The following FJX1 variants were observed in gnomAD, a reference collection of about 807,000 sequenced individuals.
FJX1 encodes four-jointed box protein 1.
A neutral mutation model predicts 28.7 loss-of-function variants in FJX1; 21 were observed. That is an observed-to-expected ratio of 0.73 (90% CI 0.52 to 1.05). The LOEUF is 1.05. Among genes scored for constraint, FJX1 ranks in the 50% least tolerant of loss-of-function variants. The probability of loss-of-function intolerance (pLI) is 0.00; values close to 1 mark genes in which losing one functional copy is unlikely to be tolerated. For missense variants in FJX1, 683 were observed against 647.2 expected, an observed-to-expected ratio of 1.06 and a Z score of -0.60; for synonymous variants, 363 against 310.0, an observed-to-expected ratio of 1.17 and a Z score of -1.80.
Position 35,618,678 on chromosome 11 carries a change from C to G in FJX1, c.42C>G (p.Leu14=). ...GGGGCGCCGCCGCCACCGCGGGGCT[C>G]TGGCTGCTGGCGCTGGGCTCGCTGC... ...RMRGAAATAG[L]WLLALGSLLA... The change falls in exon 1 of 1, where the codon CTC becomes CTG. Residue 14 remains leucine, a synonymous_variant. Transcript: ENST00000317811. The surrounding 1 kb of genome is among the most constrained non-coding windows in gnomAD (Gnocchi z 4.2). 8.0e-7 allele frequency: 1 copy of G among 1,245,962 alleles called. No homozygotes were observed. 77.2% of individuals were successfully genotyped at this position (1,245,962 alleles called of 1,614,324 possible). A position where few individuals can be genotyped will look rare whatever the true frequency, so the allele number is the denominator to read the frequency against.
rs1227146634 is a variant in FJX1 at position 35,619,815 on chromosome 11, G to C, written c.1179G>C (p.Arg393=). The change falls in exon 1 of 1, where the codon CGG becomes CGC. Residue 393 remains arginine, a synonymous_variant. Coordinates refer to ENST00000317811, the MANE Select transcript of FJX1 (RefSeq NM_014344.4). The surrounding 1 kb of genome is among the most constrained non-coding windows in gnomAD (Gnocchi z 7.6). The part of the protein sequence containing the change: ...DAAARLLRLY[R]RHEPRFPELA... ...CGGCCCGGCTGCTGCGCCTCTACCGGCGCCACGAGCCTCGCTTCCCCGAGC... is the reference window on the plus strand; with the variant it reads ...CGGCCCGGCTGCTGCGCCTCTACCGCCGCCACGAGCCTCGCTTCCCCGAGC... The C allele has an allele frequency of 6.4e-7, 1 of 1,550,662 alleles. No homozygotes were observed. Among genetic ancestry groups the C allele is most frequent in the Admixed American group, 2.0e-5 (1 of 51,062 alleles).
At position 35,619,734 on chromosome 11, in the gene FJX1, G is replaced by C. The variant is rs1422546583; in HGVS notation, c.1098G>C (p.Val366=). Residue 366 remains valine, a synonymous_variant, in exon 1 of 1, where the codon GTG becomes GTC. Coordinates refer to ENST00000317811, the MANE Select transcript of FJX1 (RefSeq NM_014344.4). The surrounding 1 kb of genome is among the most constrained non-coding windows in gnomAD (Gnocchi z 7.6). ...AGCCGCTGTTGCAGTCAGTGTGCGT[G>C]TTCCGCGAGCGGACCGCGCGGCGCG... is the stretch of plus-strand genomic sequence containing the variant. The part of the protein sequence containing the change: ...YNEPLLQSVC[V]FRERTARRVL... The C allele has an allele frequency of 3.8e-6, 6 of 1,575,816 alleles. No homozygotes were observed. Among genetic ancestry groups the C allele is most frequent in the Non-Finnish European group, 3.4e-6 (4 of 1,162,248 alleles).
At position 35,619,334 on chromosome 11, in the gene FJX1, A is replaced by G. The variant is rs1205131292; in HGVS notation, c.698A>G (p.His233Arg). The G allele has an allele frequency of 2.5e-6, 4 of 1,569,092 alleles. No individual in the cohort carries two copies. The highest frequency in any genetic ancestry group is 3.4e-6 in the Non-Finnish European group (4 of 1,165,790). The change falls in exon 1 of 1, where the codon CAC becomes CGC. Residue 233 changes from histidine to arginine, a missense_variant. His to Arg is a conservative substitution (Grantham distance 29). Coordinates refer to ENST00000317811, the MANE Select transcript of FJX1 (RefSeq NM_014344.4). This position sits in a 1 kb window ranked among gnomAD's most constrained non-coding sequence, Gnocchi z 7.6. ...AQVQEELRAA[H>R]WTEGSVVSLT... ...GTGCAGGAGGAGCTGCGCGCTGCGCACTGGACCGAGGGCAGCGTGGTGAGC... is the reference window on the plus strand; with the variant it reads ...GTGCAGGAGGAGCTGCGCGCTGCGCGCTGGACCGAGGGCAGCGTGGTGAGC...
Position 35,618,496 on chromosome 11 carries a change from C to G in FJX1, c.-141C>G, listed in dbSNP as rs1850848201. 1.3e-6 allele frequency: 1 copy of G among 792,414 alleles called. No individual in the cohort carries two copies. Among genetic ancestry groups the G allele is most frequent in the African/African-American group, 1.9e-5 (1 of 53,558 alleles). 49.1% of individuals were successfully genotyped at this position (792,414 alleles called of 1,614,324 possible). On this transcript the variant is annotated 5_prime_UTR_variant, in exon 1 of 1. Coordinates refer to ENST00000317811, the MANE Select transcript of FJX1 (RefSeq NM_014344.4). This position sits in a 1 kb window ranked among gnomAD's most constrained non-coding sequence, Gnocchi z 4.2. ...CCGGGCGGAGCGCCGGACAGAGCCC[C>G]GCAGCGCCCCGCGGCCGCGATGGGG...
rs1264216685 is a variant in FJX1 at position 35,619,154 on chromosome 11, A to C, written c.518A>C (p.Asp173Ala). 5.1e-6 allele frequency: 8 copies of C among 1,573,764 alleles called. No individual in the cohort carries two copies. The highest frequency in any genetic ancestry group is 6.8e-6 in the Non-Finnish European group (8 of 1,170,926). Residue 173 changes from aspartate to alanine, a missense_variant, in exon 1 of 1, where the codon GAC becomes GCC. Physicochemically the swap from Asp to Ala is moderately radical, Grantham distance 126 (BLOSUM62 -2). Transcript: ENST00000317811. The surrounding 1 kb of genome is among the most constrained non-coding windows in gnomAD (Gnocchi z 7.6). The stretch of plus-strand genomic sequence containing the variant: ...TCCAACCGACTGGCCCGTTTTGCCG[A>C]CGGCACCCGCGCCTGCGTGCGCTAC... The part of the protein sequence containing the change: ...RSSNRLARFA[D>A]GTRACVRYGI...
rs1850892716 is a variant in FJX1 at position 35,620,826 on chromosome 11, A to G, written c.*876A>G. The stretch of plus-strand genomic sequence containing the variant: ...GCATAAAGTGTGGTGTAAATATACT[A>G]AACAAACTTATATTTCAATAAAAGG... On this transcript the variant is annotated 3_prime_UTR_variant, in exon 1 of 1. Transcript: ENST00000317811. 6.0e-6 allele frequency: 1 copy of G among 167,128 alleles called. No homozygotes were observed. Among genetic ancestry groups the G allele is most frequent in the African/African-American group, 2.4e-5 (1 of 41,466 alleles). The allele number at this position is 167,128 out of a possible 1,614,324, so 10.4% of individuals were successfully genotyped here.
chr11:35,619,740 C>G lies in FJX1; in HGVS notation c.1104C>G (p.Arg368=). 6.4e-7 allele frequency: 1 copy of G among 1,568,772 alleles called. No individual in the cohort carries two copies. The highest frequency in any genetic ancestry group is 1.7e-4 in the Middle Eastern group (1 of 5,740). Reference sequence around the variant, plus strand: ...TGTTGCAGTCAGTGTGCGTGTTCCGCGAGCGGACCGCGCGGCGCGTCCTGG... The same window carrying G: ...TGTTGCAGTCAGTGTGCGTGTTCCGGGAGCGGACCGCGCGGCGCGTCCTGG... ...EPLLQSVCVF[R]ERTARRVLEL... Residue 368 remains arginine, a synonymous_variant, in exon 1 of 1, where the codon CGC becomes CGG. Transcript: ENST00000317811. The surrounding 1 kb of genome is among the most constrained non-coding windows in gnomAD (Gnocchi z 7.6).
Position 35,618,739 on chromosome 11 carries a change from G to C in FJX1, c.103G>C (p.Glu35Gln), listed in dbSNP as rs1329712856. The C allele has an allele frequency of 1.6e-6, 2 of 1,261,160 alleles. No homozygotes were observed. Among genetic ancestry groups the C allele is most frequent in the Non-Finnish European group, 2.0e-6 (2 of 989,608 alleles). 78.1% of individuals were successfully genotyped at this position (1,261,160 alleles called of 1,614,324 possible). Residue 35 changes from glutamate (E) to glutamine (Q), a missense_variant, in exon 1 of 1, where the codon GAG (glutamate) becomes CAG (glutamine). Physicochemically the swap from Glu to Gln is conservative, Grantham distance 29 (BLOSUM62 2). Coordinates refer to ENST00000317811, the MANE Select transcript of FJX1 (RefSeq NM_014344.4). This position sits in a 1 kb window ranked among gnomAD's most constrained non-coding sequence, Gnocchi z 4.2. Reference sequence around the variant, plus strand: ...GGGAGGGCTCCTGCCGCCGCGGACCGAGCTGCCCGCCTCCCGGCCGCCCGA... The same window carrying C: ...GGGAGGGCTCCTGCCGCCGCGGACCCAGCTGCCCGCCTCCCGGCCGCCCGA... ...LWGGLLPPRT[E>Q]LPASRPPEDR...
Position 35,619,190 on chromosome 11 carries a change from C to T in FJX1, c.554C>T (p.Pro185Leu), listed in dbSNP as rs1010010619. 13 of 1,587,578 alleles carry T rather than the reference C, an allele frequency of 8.2e-6. No individual in the cohort carries two copies. The African/African-American group carries it at 1.5e-4, about 19-fold the overall frequency. ...GCCTGCGTGCGCTACGGCATCAACC[C>T]GGAGCAGATTCAGGGCGAGGCCCTG... ...TRACVRYGIN[P>L]EQIQGEALSY... Residue 185 changes from proline (P) to leucine (L), a missense_variant, in exon 1 of 1, where the codon CCG (proline) becomes CTG (leucine). By Grantham distance (98) the Pro-to-Leu change is moderately conservative (BLOSUM62 -3). Transcript: ENST00000317811. This position sits in a 1 kb window ranked among gnomAD's most constrained non-coding sequence, Gnocchi z 7.6.
chr11:35,619,498 C>T lies in FJX1; in HGVS notation c.862C>T (p.Gln288Ter). Residue 288 changes from glutamine (Q) to a stop codon, truncating the protein, a stop_gained, in exon 1 of 1, where the codon CAA (glutamine) becomes TAA (stop). Transcript: ENST00000317811. LOFTEE classifies it high-confidence loss of function. This position sits in a 1 kb window ranked among gnomAD's most constrained non-coding sequence, Gnocchi z 7.6. Reference sequence around the variant, plus strand: ...CCAGGCGGAGCTGGTGGACCTAGTACAATGGACCGACTTAATCCTTTTCGA... The same window carrying T: ...CCAGGCGGAGCTGGTGGACCTAGTATAATGGACCGACTTAATCCTTTTCGA... ...LSQAELVDLV[Q>*]WTDLILFDYL... The T allele has an allele frequency of 6.3e-7, 1 of 1,599,538 alleles. No individual in the cohort carries two copies. Among genetic ancestry groups the T allele is most frequent in the Non-Finnish European group, 8.5e-7 (1 of 1,179,740 alleles).
chr11:35,618,702 G>A lies in FJX1; in HGVS notation c.66G>A (p.Leu22=). 4 of 1,257,324 alleles carry A rather than the reference G, an allele frequency of 3.2e-6. No homozygotes were observed. Among genetic ancestry groups the A allele is most frequent in the Admixed American group, 3.4e-5 (1 of 29,552 alleles). 77.9% of individuals were successfully genotyped at this position (1,257,324 alleles called of 1,614,324 possible). Residue 22 remains leucine (L), a synonymous_variant, in exon 1 of 1, where the codon CTG becomes CTA. Coordinates refer to ENST00000317811, the MANE Select transcript of FJX1 (RefSeq NM_014344.4). The surrounding 1 kb of genome is among the most constrained non-coding windows in gnomAD (Gnocchi z 4.2). ...AGLWLLALGS[L]LALWGGLLPP... ...TCTGGCTGCTGGCGCTGGGCTCGCT[G>A]CTGGCGCTGTGGGGAGGGCTCCTGC...
Position 35,619,262 on chromosome 11 carries a change from C to T in FJX1, c.626C>T (p.Pro209Leu). 6.4e-7 allele frequency: 1 copy of T among 1,567,962 alleles called. No individual in the cohort carries two copies. The highest frequency in any genetic ancestry group is 8.6e-7 in the Non-Finnish European group (1 of 1,166,694). ...CTGGGCCTCCAGCGCCACGTGCCGC[C>T]GCTGGCACTGGCTCGGGTGGAGGCT... ...RLLGLQRHVP[P>L]LALARVEARG... The change falls in exon 1 of 1, where the codon CCG (proline) becomes CTG (leucine). Residue 209 changes from proline (P) to leucine (L), a missense_variant. Coordinates refer to ENST00000317811, the MANE Select transcript of FJX1 (RefSeq NM_014344.4). This position sits in a 1 kb window ranked among gnomAD's most constrained non-coding sequence, Gnocchi z 7.6.
chr11:35,619,450 G>C lies in FJX1; in HGVS notation c.814G>C (p.Gly272Arg). The C allele has an allele frequency of 6.3e-7, 1 of 1,598,746 alleles. No homozygotes were observed. Among genetic ancestry groups the C allele is most frequent in the Non-Finnish European group, 8.5e-7 (1 of 1,179,564 alleles). Residue 272 changes from glycine (G) to arginine (R), a missense_variant, in exon 1 of 1, where the codon GGG becomes CGG. Physicochemically the swap from Gly to Arg is moderately radical, Grantham distance 125. Transcript: ENST00000317811. The surrounding 1 kb of genome is among the most constrained non-coding windows in gnomAD (Gnocchi z 7.6). ...CCGTCTGCGCCCCCTCCGGGATGCCGGGGGTGAGCTGGCCAACCTCAGCCA... is the reference window on the plus strand; with the variant it reads ...CCGTCTGCGCCCCCTCCGGGATGCCCGGGGTGAGCTGGCCAACCTCAGCCA... The part of the protein sequence containing the change: ...DGRLRPLRDA[G>R]GELANLSQAE...
rs202089278 is a variant in FJX1, at chr11:35,619,747, A to G, written c.1111A>G (p.Thr371Ala). 4.6e-4 allele frequency: 717 copies of G among 1,562,684 alleles called. 4 individuals are homozygous for G. In the African/African-American group the frequency reaches 8.8e-3, roughly 19 times the overall value. ...LQSVCVFRER[T>A]ARRVLELHRG... is the part of the protein sequence containing the mutation. ...GTCAGTGTGCGTGTTCCGCGAGCGG[A>G]CCGCGCGGCGCGTCCTGGAGCTGCA... Residue 371 changes from threonine to alanine, a missense_variant, in exon 1 of 1, where the codon ACC becomes GCC. Transcript: ENST00000317811. The surrounding 1 kb of genome is among the most constrained non-coding windows in gnomAD (Gnocchi z 7.6).
Position 35,618,483 on chromosome 11 carries a change from C to A in FJX1, c.-154C>A. 2.9e-6 allele frequency: 2 copies of A among 688,018 alleles called. No homozygotes were observed. The highest frequency in any genetic ancestry group is 3.7e-6 in the Non-Finnish European group (2 of 543,446). The allele number at this position is 688,018 out of a possible 1,614,324, so 42.6% of individuals were successfully genotyped here. ...CGAGTTCCCAGCGCCGGGCGGAGCG[C>A]CGGACAGAGCCCCGCAGCGCCCCGC... On this transcript the variant is annotated 5_prime_UTR_variant, in exon 1 of 1. Transcript: ENST00000317811. The surrounding 1 kb of genome is among the most constrained non-coding windows in gnomAD (Gnocchi z 4.2).
At position 35,619,372 on chromosome 11, in the gene FJX1, C is replaced by T. The variant is rs1409474966; in HGVS notation, c.736C>T (p.Leu246=). 1 of 1,590,716 alleles carries T rather than the reference C, an allele frequency of 6.3e-7. No individual in the cohort carries two copies. The highest frequency in any genetic ancestry group is 1.3e-5 in the African/African-American group (1 of 74,880). Residue 246 remains leucine, a synonymous_variant, in exon 1 of 1, where the codon CTG becomes TTG. Transcript: ENST00000317811. This position sits in a 1 kb window ranked among gnomAD's most constrained non-coding sequence, Gnocchi z 7.6. ...CAGCGTGGTGAGCCTGACACGCTGG[C>T]TGCCCAACCTCACGGACGTGGTGGT... ...EGSVVSLTRW[L]PNLTDVVVPA...
chr11:35,619,261 CCGCTGG>C lies in FJX1; in HGVS notation c.627_632del (p.Leu212_Ala213del). 1 of 1,568,508 alleles carries C rather than the reference CCGCTGG, an allele frequency of 6.4e-7. No individual in the cohort carries two copies. On this transcript the variant is annotated inframe_deletion, in exon 1 of 1. Transcript: ENST00000317811. The surrounding 1 kb of genome is among the most constrained non-coding windows in gnomAD (Gnocchi z 7.6). ...GCTGGGCCTCCAGCGCCACGTGCCG[CCGCTGG>C]CACTGGCTCGGGTGGAGGCTCGGGG...
At position 35,619,260 on chromosome 11, in the gene FJX1, G is replaced by T; in HGVS notation, c.624G>T (p.Pro208=). Residue 208 remains proline, a synonymous_variant, in exon 1 of 1, where the codon CCG becomes CCT. Coordinates refer to ENST00000317811, the MANE Select transcript of FJX1 (RefSeq NM_014344.4). The surrounding 1 kb of genome is among the most constrained non-coding windows in gnomAD (Gnocchi z 7.6). ...TGCTGGGCCTCCAGCGCCACGTGCC[G>T]CCGCTGGCACTGGCTCGGGTGGAGG... ...ARLLGLQRHV[P]PLALARVEAR... 1 of 1,566,924 alleles carries T rather than the reference G, an allele frequency of 6.4e-7. No individual in the cohort carries two copies.
Position 35,619,150 on chromosome 11 carries a change from G to T in FJX1, c.514G>T (p.Ala172Ser). The T allele has an allele frequency of 6.4e-7, 1 of 1,572,916 alleles. No individual in the cohort carries two copies. Among genetic ancestry groups the T allele is most frequent in the Non-Finnish European group, 8.5e-7 (1 of 1,170,482 alleles). The change falls in exon 1 of 1, where the codon GCC becomes TCC. Residue 172 changes from alanine (A) to serine (S), a missense_variant. Coordinates refer to ENST00000317811, the MANE Select transcript of FJX1 (RefSeq NM_014344.4). The surrounding 1 kb of genome is among the most constrained non-coding windows in gnomAD (Gnocchi z 7.6). ...GRSSNRLARF[A>S]DGTRACVRYG... ...CAGCTCCAACCGACTGGCCCGTTTT[G>T]CCGACGGCACCCGCGCCTGCGTGCG...
Sources: gnomAD v4.1 joint callset for allele counts on GRCh38, gnomAD v4.1.1 for gene constraint, Gnocchi (gnomAD v3.1) non-coding constraint, MANE v1.5 for transcripts, NCBI Gene and HGNC (gene_info 2026-07-23, HGNC 2026-07-21) for gene names.